The following SORCS2 variants were observed in gnomAD, a reference collection of about 807,000 sequenced individuals.
The protein encoded by SORCS2 is sortilin related VPS10 domain containing receptor 2.
SORCS2 carries 100 observed loss-of-function variants against 141.6 expected under a neutral mutation model. The ratio of observed to expected loss-of-function variants is 0.71; its 90% CI spans 0.60 to 0.83. The LOEUF is 0.83. Among genes scored for constraint, SORCS2 ranks in the 40% least tolerant of loss-of-function variants. The probability of loss-of-function intolerance (pLI) is 0.00; values close to 1 mark genes in which losing one functional copy is unlikely to be tolerated. For synonymous variants in SORCS2, 789 were observed against 676.9 expected (o/e 1.17, Z -2.57); for missense variants, 1,646 against 1,560.2 (o/e 1.05, Z -0.93).
At position 7,706,025 on chromosome 4, in the gene SORCS2, CTGT is replaced by C. The variant is rs1309837712; in HGVS notation, c.1868+1742_1868+1744del. Among the ~76,000 whole-genome samples, 7 of 142,842 alleles carry C rather than the reference CTGT, an allele frequency of 4.9e-5. 1 individual carries two copies. Among genetic ancestry groups the C allele is most frequent in the East Asian group, 2.0e-4 (1 of 5,092 alleles). 93.7% of individuals were successfully genotyped at this position (142,842 alleles called of 152,430 possible). On this transcript the variant is annotated intron_variant, in intron 14 of 26. Transcript: ENST00000507866. ...GCCTGGACAGGGATGAGGCTGGGCTCTGTCTGGGCAGGGATGAGGCTGGGCTCC... is the reference window on the plus strand; with the variant it reads ...GCCTGGACAGGGATGAGGCTGGGCTCCTGGGCAGGGATGAGGCTGGGCTCC...
At chr4:7,588,284 C>A (rs28713711) in intron 3 of SORCS2, among the ~76,000 whole-genome samples, 70,927 of 152,060 alleles carry the variant, frequency 0.47, 17,824 homozygotes, top group Non-Finnish European at 0.57. Flanking sequence ...ACAAAGCTGC[C>A]CTTGGTTTTC....
chr4:7,335,452 C>T (rs760611283), intron 1 of SORCS2, among the ~76,000 whole-genome samples: 19 of 152,232 alleles, frequency 1.2e-4, no homozygotes, highest in Admixed American at 8.5e-4. Context: ...AGACCCCACA[C>T]GTGCTGAGCG....
intron 3 of SORCS2, among the ~76,000 whole-genome samples, chr4:7,614,376 C>A (rs1160853846): frequency 6.6e-6 from 1 of 151,696 alleles, no homozygotes; most frequent in Admixed American, 6.6e-5. Context: ...TCCATCCACC[C>A]ATCCACCTTT....
Position 7,193,248 on chromosome 4 carries a change from A to C in SORCS2, c.480+122A>C, listed in dbSNP as rs1426687103. ...GGTCATCAGGGGCGGGTTCTTGGCG[A>C]CTTGGGCACTTGGGTCACCTCGGCC... On this transcript the variant is annotated intron_variant, in intron 1 of 26. Transcript: ENST00000507866. The surrounding 1 kb of genome is among the most constrained non-coding windows in gnomAD (Gnocchi z 4.8). 5.7e-6 allele frequency: 7 copies of C among 1,219,400 alleles called. No individual in the cohort carries two copies. The East Asian group carries it at 1.9e-4, about 33-fold the overall frequency. The allele number at this position is 1,219,400 out of a possible 1,614,324, so 75.5% of individuals were successfully genotyped here.
intron 12 of SORCS2, among the ~76,000 whole-genome samples, chr4:7,699,407 G>A (rs1425504501): frequency 2.0e-5 from 3 of 152,108 alleles, no homozygotes; most frequent in East Asian, 1.9e-4. Context: ...TCCTGCCCAC[G>A]CTTGGAGAGG....
chr4:7,422,484 G>A (rs751835152), intron 2 of SORCS2, among the ~76,000 whole-genome samples: 7 of 152,124 alleles, frequency 4.6e-5, no homozygotes, highest in Non-Finnish European at 8.8e-5. Flanking sequence ...GGTGTGTAGG[G>A]GCTGGGGTCT....
At position 7,729,007 on chromosome 4, in the gene SORCS2, G is replaced by A. The variant is rs117016389; in HGVS notation, c.2982+545G>A. ...CTACTCTGACCAGGCTTCCCCTCCCGTGAATAATGCTGGTAAAAGGGTCCT... is the reference window on the plus strand; with the variant it reads ...CTACTCTGACCAGGCTTCCCCTCCCATGAATAATGCTGGTAAAAGGGTCCT... On this transcript the variant is annotated intron_variant, in intron 22 of 26. Coordinates refer to ENST00000507866, the MANE Select transcript of SORCS2 (RefSeq NM_020777.3). Among the ~76,000 whole-genome samples the A allele has an allele frequency of 3.0e-3, 458 of 152,318 alleles. 3 individuals are homozygous for A. The highest frequency in any genetic ancestry group is 0.017 in the East Asian group (90 of 5,180).
chr4:7,457,813 C>T (rs564237102), intron 2 of SORCS2, among the ~76,000 whole-genome samples: 20 of 152,314 alleles, frequency 1.3e-4, no homozygotes, highest in African/African-American at 4.3e-4. Context: ...GGGGAAGAGG[C>T]CAGAAAGGGA....
intron 8 of SORCS2, among the ~76,000 whole-genome samples, chr4:7,672,414 T>G (rs1446187556): frequency 8.5e-5 from 13 of 152,224 alleles, no homozygotes; most frequent in Admixed American, 8.5e-4. Flanking sequence ...ATGAAGGTGT[T>G]GGTTCATTAG....
At chr4:7,717,111 T>C (rs1383107675) in intron 17 of SORCS2, among the ~76,000 whole-genome samples, 3 of 152,222 alleles carry the variant, frequency 2.0e-5, no homozygotes, top group Non-Finnish European at 4.4e-5. Context: ...GCAAGCTGGA[T>C]GAGGCCACCC....
At chr4:7,599,217 C>T (rs961046471) in intron 3 of SORCS2, among the ~76,000 whole-genome samples, 1 of 152,122 alleles carries the variant, frequency 6.6e-6, no homozygotes, top group Non-Finnish European at 1.5e-5. Context: ...TGAAGTCAGC[C>T]TGACCCCAGA....
chr4:7,570,884 A>G (rs574946549), intron 3 of SORCS2, among the ~76,000 whole-genome samples: 89 of 152,228 alleles, frequency 5.8e-4, no homozygotes, highest in Admixed American at 1.0e-3. Context: ...CCATGAGTTC[A>G]TTGTCATCCA....
At chr4:7,727,021 G>T (rs754213099) in intron 21 of SORCS2, 118 bp downstream of exon 21, 3 of 1,301,266 alleles carry the variant, frequency 2.3e-6, no homozygotes, top group Non-Finnish European at 3.1e-6. Flanking sequence ...TGGCCCTGGG[G>T]TGGGGAGGGA....
At chr4:7,550,331 G>T (rs984557386) in intron 3 of SORCS2, among the ~76,000 whole-genome samples, 2 of 152,112 alleles carry the variant, frequency 1.3e-5, no homozygotes, top group Admixed American at 6.5e-5. Flanking sequence ...GTTTGCTCCC[G>T]CTGGGGGCCA....
chr4:7,375,818 G>A (rs182611790), intron 1 of SORCS2, among the ~76,000 whole-genome samples: 30 of 152,316 alleles, frequency 2.0e-4, no homozygotes, highest in African/African-American at 7.2e-4. Flanking sequence ...AAATGTCTGG[G>A]GTTTGTGTCG....
intron 1 of SORCS2, among the ~76,000 whole-genome samples, chr4:7,337,416 C>T (rs957821690): frequency 3.3e-5 from 5 of 152,166 alleles, no homozygotes; most frequent in African/African-American, 1.2e-4. Context: ...ATCAGGAGGC[C>T]TTCCTGAGCA....
At chr4:7,438,237 T>A (rs1727432060) in intron 2 of SORCS2, among the ~76,000 whole-genome samples, 1 of 152,186 alleles carries the variant, frequency 6.6e-6, no homozygotes, top group Non-Finnish European at 1.5e-5. Context: ...CTTTGTGTTT[T>A]CTTTTGTAGC....
intron 3 of SORCS2, among the ~76,000 whole-genome samples, chr4:7,632,937 G>C (rs1223233053): frequency 6.6e-6 from 1 of 152,194 alleles, no homozygotes; most frequent in Non-Finnish European, 1.5e-5. Flanking sequence ...CCTTTGAAAT[G>C]AGTCTTGCAG....
intron 2 of SORCS2, among the ~76,000 whole-genome samples, chr4:7,518,247 C>T (rs966371255): frequency 2.0e-5 from 3 of 152,174 alleles, no homozygotes; most frequent in Non-Finnish European, 2.9e-5. Context: ...TGGATTGCTA[C>T]GTTTCTATCT....
Sources: gnomAD v4.1 joint callset for allele counts (sites outside exome capture counted in the v4.1 genomes callset) on GRCh38, gnomAD v4.1.1 for gene constraint, Gnocchi (gnomAD v3.1) non-coding constraint, MANE v1.5 for transcripts, NCBI Gene and HGNC (gene_info 2026-07-23, HGNC 2026-07-21) for gene names.